CACNA1H: variants seen among roughly 807,000 people sequenced by gnomAD.
CACNA1H encodes the protein calcium voltage-gated channel subunit alpha1 H, also known as voltage-dependent T-type calcium channel subunit alpha-1H.
A neutral mutation model predicts 192.5 loss-of-function variants in CACNA1H; 149 were observed. That is an observed-to-expected ratio of 0.77 (90% CI 0.68 to 0.89). The LOEUF (loss-of-function observed/expected upper bound fraction) is 0.89. CACNA1H is among the 40% of genes least tolerant of loss of function. The pLI is 0.00. For synonymous variants in CACNA1H, 2,202 were observed against 1,475.2 expected, an observed-to-expected ratio of 1.49 and a Z score of -11.29; for missense variants, 4,257 against 3,423.5, an observed-to-expected ratio of 1.24 and a Z score of -6.08.
intron 2 of CACNA1H, among the ~76,000 whole-genome samples, chr16:1,190,434 C>T (rs560276817): frequency 1.4e-4 from 21 of 152,358 alleles, no homozygotes; most frequent in Non-Finnish European, 2.5e-4. Flanking sequence ...GCCTGCTCAG[C>T]CCAGAGCTGC....
At chr16:1,164,799 G>A (rs191057575) in intron 2 of CACNA1H, among the ~76,000 whole-genome samples, 2 of 152,342 alleles carry the variant, frequency 1.3e-5, no homozygotes, top group East Asian at 3.9e-4. Flanking sequence ...GCCGGGCTCC[G>A]GATATGCTGC....
rs759107717 is a variant in CACNA1H, at chr16:1,200,373, C to T, written c.921C>T (p.Gly307=). 3.1e-6 allele frequency: 5 copies of T among 1,600,500 alleles called. No homozygotes were observed. The highest frequency in any genetic ancestry group is 1.1e-5 in the South Asian group (1 of 89,936). ...TGCAGAAGTGCTCGCACATCCCCGG[C>T]CGCCGCGAGCTGCGCATGCCCTGCA... ...NGMQKCSHIP[G]RRELRMPCTL... The change falls in exon 7 of 35, where the codon GGC becomes GGT. Residue 307 remains glycine, a synonymous_variant. Coordinates refer to ENST00000348261, the MANE Select transcript of CACNA1H (RefSeq NM_021098.3).
rs1303447893 is a variant in CACNA1H, at chr16:1,218,974, C to T, written c.5892C>T (p.Ser1964=). The stretch of plus-strand genomic sequence containing the variant: ...TTAGATTCTTCCCTGCCCCAGGCTC[C>T]GTTGCCTCTGTGCACTCTCCGCCCG... ...ETYGAGTPLG[S]VASVHSPPAE... is the part of the protein sequence containing the mutation. Residue 1964 remains serine, a synonymous_variant, in exon 34 of 35, where the codon TCC becomes TCT. Coordinates refer to ENST00000348261, the MANE Select transcript of CACNA1H (RefSeq NM_021098.3). 29 of 1,550,098 alleles carry T rather than the reference C, an allele frequency of 1.9e-5. No individual in the cohort carries two copies. The highest frequency in any genetic ancestry group is 9.8e-5 in the Admixed American group (5 of 50,984).
At chr16:1,163,503 G>T (rs1012552211) in intron 2 of CACNA1H, among the ~76,000 whole-genome samples, 4 of 152,264 alleles carry the variant, frequency 2.6e-5, no homozygotes, top group African/African-American at 9.6e-5. Flanking sequence ...GTGTCCAGAT[G>T]GCCAGAGAGC....
At position 1,164,122 on chromosome 16, in the gene CACNA1H, A is replaced by T. The variant is rs1299142205; in HGVS notation, c.299+10086A>T. Among the ~76,000 whole-genome samples, 121 of 152,326 alleles carry T rather than the reference A, an allele frequency of 7.9e-4. 1 individual carries two copies. Among genetic ancestry groups the T allele is most frequent in the Non-Finnish European group, 1.2e-4 (8 of 68,032 alleles). ...TTTTGCCTCTCCCAGAAGCCACAGA[A>T]GCAAGGGCCCTGGGCCTGAGTCCCT... is the stretch of plus-strand genomic sequence containing the variant. On this transcript the variant is annotated intron_variant, in intron 2 of 34. Coordinates refer to ENST00000348261, the MANE Select transcript of CACNA1H (RefSeq NM_021098.3).
intron 2 of CACNA1H, among the ~76,000 whole-genome samples, chr16:1,166,020 G>A (rs1328590665): frequency 1.3e-5 from 2 of 152,232 alleles, no homozygotes; most frequent in East Asian, 1.9e-4. Context: ...TCCTCGTCCT[G>A]TTGGCACCGT....
Position 1,212,515 on chromosome 16 carries a change from T to G in CACNA1H, c.4764T>G (p.Thr1588=), listed in dbSNP as rs779044290. 3.1e-5 allele frequency: 50 copies of G among 1,611,188 alleles called. No homozygotes were observed. The highest frequency in any genetic ancestry group is 4.2e-5 in the Non-Finnish European group (49 of 1,179,162). Residue 1588 remains threonine, a synonymous_variant, in exon 26 of 35, where the codon ACT becomes ACG. Coordinates refer to ENST00000348261, the MANE Select transcript of CACNA1H (RefSeq NM_021098.3). ...LRRLERRRRS[T]FPSPEAQRRP... ...ACCATCTCCTTGTCTTTCCAGGCAC[T>G]TTCCCCAGCCCAGGTACCGGCCCTG...
rs1970492543 is a variant in CACNA1H at position 1,221,717 on chromosome 16, T to C, written c.*723T>C. 7.1e-7 allele frequency: 1 copy of C among 1,408,916 alleles called. No individual in the cohort carries two copies. The highest frequency in any genetic ancestry group is 9.5e-7 in the Non-Finnish European group (1 of 1,048,534). 87.3% of individuals were successfully genotyped at this position (1,408,916 alleles called of 1,614,324 possible). ...AATCTGATGCAGAAGACTCAGCTTC[T>C]CAAGGGAGAGGGAGGGGGCGGAGCG... On this transcript the variant is annotated 3_prime_UTR_variant, in exon 35 of 35. Transcript: ENST00000348261.
Position 1,206,274 on chromosome 16 carries a change from T to C in CACNA1H, c.2774T>C (p.Phe925Ser). 1 of 1,559,084 alleles carries C rather than the reference T, an allele frequency of 6.4e-7. No individual in the cohort carries two copies. Among genetic ancestry groups the C allele is most frequent in the South Asian group, 1.2e-5 (1 of 84,508 alleles). Residue 925 changes from phenylalanine to serine, a missense_variant, in exon 12 of 35, where the codon TTC becomes TCC. Phe to Ser is a radical substitution (Grantham distance 155). Transcript: ENST00000348261. ...ACCTTCTGCACGCTGCTCATGCTCT[T>C]CATTTTCATCTTCAGGTGGGCGCAA... Reference protein sequence around the residue: ...VATFCTLLMLFIFIFSILGMH... With the variant: ...VATFCTLLMLSIFIFSILGMH...
At position 1,207,098 on chromosome 16, in the gene CACNA1H, G is replaced by T; in HGVS notation, c.2887G>T (p.Ala963Ser). 1 of 1,596,334 alleles carries T rather than the reference G, an allele frequency of 6.3e-7. No individual in the cohort carries two copies. The highest frequency in any genetic ancestry group is 8.5e-7 in the Non-Finnish European group (1 of 1,171,302). Residue 963 changes from alanine (A) to serine (S), a missense_variant, in exon 13 of 35, where the codon GCC becomes TCC. By Grantham distance (99) the Ala-to-Ser change is moderately conservative. Transcript: ENST00000348261. ...GAAGAACTTCGACTCCCTGCTGTGG[G>T]CCATCGTCACCGTGTTCCAGGTAGT... ...DRKNFDSLLW[A>S]IVTVFQILTQ... is the part of the protein sequence containing the mutation.
At chr16:1,181,542 C>T (rs1280938591) in intron 2 of CACNA1H, among the ~76,000 whole-genome samples, 2 of 152,240 alleles carry the variant, frequency 1.3e-5, no homozygotes, top group East Asian at 1.9e-4. Context: ...CCCGCAGGCA[C>T]GGAGAGGAGG....
At chr16:1,198,539 G>T in intron 5 of CACNA1H, 76 bp from the exon 6 acceptor site, 1 of 1,532,694 alleles carries the variant, frequency 6.5e-7, no homozygotes, top group Non-Finnish European at 8.9e-7. Context: ...GGGCTCGGGG[G>T]TCCCGGGAGG....
At chr16:1,200,207 G>A (rs765436761) in intron 6 of CACNA1H, 49 bp from the exon 7 acceptor site, 82 of 1,481,140 alleles carry the variant, frequency 5.5e-5, no homozygotes, top group South Asian at 9.9e-5. Flanking sequence ...GACTCTGACC[G>A]TCCCTGACCC....
At position 1,201,921 on chromosome 16, in the gene CACNA1H, G is replaced by A. The variant is rs1271603769; in HGVS notation, c.1471G>A (p.Asp491Asn). The A allele has an allele frequency of 1.3e-6, 2 of 1,550,096 alleles. No individual in the cohort carries two copies. Among genetic ancestry groups the A allele is most frequent in the Non-Finnish European group, 1.7e-6 (2 of 1,146,928 alleles). The stretch of plus-strand genomic sequence containing the variant: ...GCAGAGCCGCTGGCGCAAGAAGGTG[G>A]ACCCCAGTGCTGTGCAAGGCCAGGG... Reference protein sequence around the residue: ...RWQSRWRKKVDPSAVQGQGPG... With the variant: ...RWQSRWRKKVNPSAVQGQGPG... The change falls in exon 9 of 35, where the codon GAC becomes AAC. Residue 491 changes from aspartate to asparagine, a missense_variant. By Grantham distance (23) the Asp-to-Asn change is conservative (BLOSUM62 1). Transcript: ENST00000348261.
intron 9 of CACNA1H, 142 bp from the exon 10 acceptor site, chr16:1,203,864 CCAGT>C (rs1402274004): frequency 8.2e-6 from 5 of 611,792 alleles, no homozygotes; most frequent in East Asian, 5.5e-5. Flanking sequence ...TCTGTGAAGT[CCAGT>C]CACAGGTTCT....
At position 1,219,047 on chromosome 16, in the gene CACNA1H, G is replaced by A; in HGVS notation, c.5965G>A (p.Ala1989Thr). The change falls in exon 34 of 35, where the codon GCC becomes ACC. Residue 1989 changes from alanine (A) to threonine (T), a missense_variant. By Grantham distance (58) the Ala-to-Thr change is moderately conservative (BLOSUM62 0). Coordinates refer to ENST00000348261, the MANE Select transcript of CACNA1H (RefSeq NM_021098.3). ...GATCCCATTGGCTGTGTCGTCCCCA[G>A]CCAGGAGCGGCGAGCCCCTCCACGC... ...LQIPLAVSSPARSGEPLHALS... is the reference protein window; with the variant it reads ...LQIPLAVSSPTRSGEPLHALS... 1 of 1,550,004 alleles carries A rather than the reference G, an allele frequency of 6.5e-7. No individual in the cohort carries two copies. Among genetic ancestry groups the A allele is most frequent in the Non-Finnish European group, 8.7e-7 (1 of 1,146,820 alleles).
At chr16:1,170,370 G>C (rs893547114) in intron 2 of CACNA1H, among the ~76,000 whole-genome samples, 3 of 152,236 alleles carry the variant, frequency 2.0e-5, no homozygotes, top group Non-Finnish European at 4.4e-5. Flanking sequence ...GCGGGACAGG[G>C]CCCGAGGAAT....
chr16:1,168,817 G>C (rs1484464741), intron 2 of CACNA1H, among the ~76,000 whole-genome samples: 1 of 152,230 alleles, frequency 6.6e-6, no homozygotes, highest in African/African-American at 2.4e-5. Context: ...GAGGCCCGAG[G>C]AGGGGTGAGG....
rs920909432 is a variant in CACNA1H, at chr16:1,167,449, A to T, written c.299+13413A>T. On this transcript the variant is annotated intron_variant, in intron 2 of 34. Transcript: ENST00000348261. This position sits in a 1 kb window ranked among gnomAD's most constrained non-coding sequence, Gnocchi z 4.2. ...CGTCCTCTGGAGAATTTCAACACCCACACTTGGAATAAAAAAAAAAATTAT... is the reference window on the plus strand; with the variant it reads ...CGTCCTCTGGAGAATTTCAACACCCTCACTTGGAATAAAAAAAAAAATTAT... Among the ~76,000 whole-genome samples, 1 of 151,720 alleles carries T rather than the reference A, an allele frequency of 6.6e-6. No individual in the cohort carries two copies. The highest frequency in any genetic ancestry group is 1.5e-5 in the Non-Finnish European group (1 of 67,932).
Sources: gnomAD v4.1 joint callset for allele counts (sites outside exome capture counted in the v4.1 genomes callset) on GRCh38, gnomAD v4.1.1 for gene constraint, Gnocchi (gnomAD v3.1) non-coding constraint, MANE v1.5 for transcripts, NCBI Gene and HGNC (gene_info 2026-07-23, HGNC 2026-07-21) for gene names.